The following DPPA4 variants were observed in gnomAD, a reference collection of about 807,000 sequenced individuals.
DPPA4 encodes the protein developmental pluripotency-associated protein 4.
In DPPA4, 22 loss-of-function variants were observed where a neutral mutation model predicts 33.7. The observed-to-expected ratio is 0.65, with a 90% confidence interval of 0.47 to 0.93. The LOEUF (loss-of-function observed/expected upper bound fraction) is 0.93, where lower values mean the gene tolerates loss of function less well. Among genes scored for constraint, DPPA4 ranks in the 40% least tolerant of loss-of-function variants. DPPA4 has a pLI of 0.00. For missense variants in DPPA4, 340 were observed against 358.6 expected, an observed-to-expected ratio of 0.95 and a Z score of 0.42; for synonymous variants, 156 against 132.3, an observed-to-expected ratio of 1.18 and a Z score of -1.23.
In DPPA4 at chr3:109,332,007, T is replaced by C; in HGVS notation, c.203A>G (p.Glu68Gly). ...CTGAGGTCTGGGGTTGTCAGTGTGC[T>C]CTGCCTTTTTCTTAGGGCAGAGCAC... ...SKVLCPKKKA[E>G]HTDNPRPQKK... is the part of the protein sequence containing the mutation. Residue 68 changes from glutamate (E) to glycine (G), a missense_variant, in exon 3 of 7, where the codon GAG (glutamate) becomes GGG (glycine). By Grantham distance (98) the Glu-to-Gly change is moderately conservative. This residue lies in a region of DPPA4 where 96 missense variants were observed against 91.8 expected (regional missense o/e 1.05). Coordinates refer to ENST00000335658, the MANE Select transcript of DPPA4 (RefSeq NM_018189.4). 6.2e-7 allele frequency: 1 copy of C among 1,613,716 alleles called. No individual in the cohort carries two copies. The highest frequency in any genetic ancestry group is 8.5e-7 in the Non-Finnish European group (1 of 1,179,750).
At chr3:109,329,971 G>A (rs975827695) in intron 5 of DPPA4, 1 of 157,600 alleles carries the variant, frequency 6.3e-6, no homozygotes. Flanking sequence ...GTGGTCCCCA[G>A]ACCAGCATCC....
At chr3:109,336,143 C>G (rs1052996091) in intron 1 of DPPA4, among the ~76,000 whole-genome samples, 3 of 150,864 alleles carry the variant, frequency 2.0e-5, no homozygotes, top group Non-Finnish European at 2.9e-5. Flanking sequence ...CAGAGTCAAA[C>G]TCATTAAAAA....
intron 5 of DPPA4, 159 bp from the exon 6 acceptor site, chr3:109,329,247 G>A (rs1708002088): frequency 1.4e-6 from 1 of 692,998 alleles, no homozygotes; most frequent in African/African-American, 1.8e-5. Context: ...CTTTAGAAAA[G>A]CATACAAGCT....
chr3:109,332,298 T>C, intron 2 of DPPA4: 1 of 236,510 alleles, frequency 4.2e-6, no homozygotes. Flanking sequence ...AGATGGGGTT[T>C]CACCATGTTG....
intron 5 of DPPA4, 40 bp from the exon 6 acceptor site, chr3:109,329,128 A>G: frequency 6.3e-7 from 1 of 1,579,092 alleles, no homozygotes; most frequent in Non-Finnish European, 8.7e-7. Flanking sequence ...CCCGCACACC[A>G]GGATGACATA....
Position 109,330,320 on chromosome 3 carries a change from A to AGG in DPPA4, c.679+203_679+204insCC, listed in dbSNP as rs1559707704. The AGG allele has an allele frequency of 2.3e-4, 38 of 167,534 alleles. No homozygotes were observed. The African/African-American group carries it at 2.6e-3, about 11-fold the overall frequency. 10.4% of individuals were successfully genotyped at this position (167,534 alleles called of 1,614,324 possible). On this transcript the variant is annotated intron_variant, in intron 5 of 6. Coordinates refer to ENST00000335658, the MANE Select transcript of DPPA4 (RefSeq NM_018189.4). ...TGTCTCAAAAAAAAAAAAAAAAAAA[A>AGG]AAAAAAAAAAAGGAAAAAAAAAAAA...
At chr3:109,333,710 G>T in intron 2 of DPPA4, 160 bp downstream of exon 2, 1 of 762,956 alleles carries the variant, frequency 1.3e-6, no homozygotes, top group Non-Finnish European at 2.1e-6. Context: ...GTGACCAAAA[G>T]ATGCTTCAGG....
rs1252642107 is a variant in DPPA4 at position 109,327,021 on chromosome 3, T to A, written c.*967A>T. 1 of 152,190 alleles carries A rather than the reference T, an allele frequency of 6.6e-6. No homozygotes were observed. The highest frequency in any genetic ancestry group is 6.6e-5 in the Admixed American group (1 of 15,264). 9.4% of individuals were successfully genotyped at this position (152,190 alleles called of 1,614,324 possible). A position where few individuals can be genotyped will look rare whatever the true frequency, so the allele number is the denominator to read the frequency against. ...CATTTTAAATTCAATATATTATGTA[T>A]TTATGAGCGGGAAGCAACCTTAAAC... On this transcript the variant is annotated 3_prime_UTR_variant, in exon 7 of 7. Coordinates refer to ENST00000335658, the MANE Select transcript of DPPA4 (RefSeq NM_018189.4).
chr3:109,337,244 A>T (rs904346709), intron 1 of DPPA4, among the ~76,000 whole-genome samples: 10 of 150,796 alleles, frequency 6.6e-5, no homozygotes, highest in Non-Finnish European at 1.5e-4. Context: ...AACCTCCTCA[A>T]CTAAACCTAG....
At chr3:109,332,579 A>G (rs1708106585) in intron 2 of DPPA4, among the ~76,000 whole-genome samples, 2 of 152,106 alleles carry the variant, frequency 1.3e-5, no homozygotes, top group South Asian at 4.1e-4. Context: ...CAGGGGAATT[A>G]CCGCTGTCTT....
In DPPA4 at chr3:109,333,958, C is replaced by T; in HGVS notation, c.90G>A (p.Gln30=). The T allele has an allele frequency of 6.2e-7, 1 of 1,614,152 alleles. No homozygotes were observed. The highest frequency in any genetic ancestry group is 1.6e-4 in the Middle Eastern group (1 of 6,062). ...TTGAATTTGGTTGATTAGAAGCCTG[C>T]TGATCCTCTTCCCTCGACTTCTCTG... ...TSTEKSREED[Q]QASNQPNSIA... Residue 30 remains glutamine, a synonymous_variant, in exon 2 of 7, where the codon CAG becomes CAA. Transcript: ENST00000335658.
chr3:109,330,683 C>T lies in DPPA4; in HGVS notation c.520G>A (p.Gly174Arg). 6.2e-7 allele frequency: 1 copy of T among 1,614,132 alleles called. No homozygotes were observed. The highest frequency in any genetic ancestry group is 8.5e-7 in the Non-Finnish European group (1 of 1,180,004). The change falls in exon 5 of 7, where the codon GGG (glycine) becomes AGG (arginine). Residue 174 changes from glycine to arginine, a missense_variant. This residue lies in a region of DPPA4 where 212 missense variants were observed against 206.5 expected (regional missense o/e 1.03). Coordinates refer to ENST00000335658, the MANE Select transcript of DPPA4 (RefSeq NM_018189.4). ...GAATTTTCCAGGGCAGGCGGCTCCC[C>T]CACAGGAGGAAGAGCCACTTCAGGA... ...HPPEVALPPV[G>R]EPPALENSTA...
chr3:109,331,892 C>T lies in DPPA4; in HGVS notation c.318G>A (p.Leu106=), dbSNP rs1364002610. 6.2e-7 allele frequency: 1 copy of T among 1,614,110 alleles called. No individual in the cohort carries two copies. The highest frequency in any genetic ancestry group is 1.7e-5 in the Admixed American group (1 of 60,006). Residue 106 remains leucine, a synonymous_variant, in exon 3 of 7, where the codon TTG becomes TTA. Coordinates refer to ENST00000335658, the MANE Select transcript of DPPA4 (RefSeq NM_018189.4). The part of the protein sequence containing the change: ...RDILRAWCQQ[L]KLSSKGQKLD... ...TCACCTGGCCTTTGGAGCTCAGCTT[C>T]AATTGTTGGCACCAGGCCCGCAGAA...
At chr3:109,333,783 T>G in intron 2 of DPPA4, 87 bp downstream of exon 2, 2 of 1,497,512 alleles carry the variant, frequency 1.3e-6, no homozygotes, top group Non-Finnish European at 1.8e-6. Flanking sequence ...TGATGGAAAT[T>G]TCTTCCCTGG....
At chr3:109,337,142 C>T (rs1576841350) in intron 1 of DPPA4, among the ~76,000 whole-genome samples, 2 of 151,670 alleles carry the variant, frequency 1.3e-5, no homozygotes, top group African/African-American at 4.8e-5. Context: ...TCAGGTGATC[C>T]GCCCGCCTCG....
intron 4 of DPPA4, among the ~76,000 whole-genome samples, chr3:109,331,363 C>G (rs1210661994): frequency 7.0e-6 from 1 of 142,380 alleles, no homozygotes; most frequent in East Asian, 2.1e-4. Flanking sequence ...GTGGTTCACG[C>G]CTGTAATCCC....
chr3:109,336,428 C>T (rs1263427040), intron 1 of DPPA4: 1 of 152,182 alleles, frequency 6.6e-6, no homozygotes, highest in Non-Finnish European at 1.5e-5. Flanking sequence ...TGTGCAACGT[C>T]TTAAATCCTC....
In DPPA4 at chr3:109,326,347, A is replaced by G. The variant is rs139819018; in HGVS notation, c.*1641T>C. The G allele has an allele frequency of 1.7e-4, 26 of 151,982 alleles. No homozygotes were observed. In the East Asian group the frequency reaches 4.8e-3, roughly 28 times the overall value. The allele number at this position is 151,982 out of a possible 1,614,324, so 9.4% of individuals were successfully genotyped here. A position where few individuals can be genotyped will look rare whatever the true frequency, so the allele number is the denominator to read the frequency against. The stretch of plus-strand genomic sequence containing the variant: ...AAAAAGGAAACAAAAGGAACAATAC[A>G]CATAGTATAAGAAAAAATGTCTATT... On this transcript the variant is annotated 3_prime_UTR_variant, in exon 7 of 7. Coordinates refer to ENST00000335658, the MANE Select transcript of DPPA4 (RefSeq NM_018189.4).
rs187422731 is a variant in DPPA4, at chr3:109,329,051, A to G, written c.717T>C (p.Pro239=). The change falls in exon 6 of 7, where the codon CCT becomes CCC. Residue 239 remains proline, a synonymous_variant. Coordinates refer to ENST00000335658, the MANE Select transcript of DPPA4 (RefSeq NM_018189.4). ...GGTGAACCCAACCATCTGTGTCTGC[A>G]GGGAGACTTTTCCCATGGACCACAC... ...RWCVVHGKSL[P]ADTDGWVHLQ... is the part of the protein sequence containing the mutation. 247 of 1,614,064 alleles carry G rather than the reference A, an allele frequency of 1.5e-4. No individual in the cohort carries two copies. In the East Asian group the frequency reaches 4.5e-3, roughly 30 times the overall value.
Sources: gnomAD v4.1 joint callset for allele counts (sites outside exome capture counted in the v4.1 genomes callset) on GRCh38, gnomAD v4.1.1 for gene constraint, gnomAD v4.1.1 regional missense constraint, MANE v1.5 for transcripts, NCBI Gene and HGNC (gene_info 2026-07-23, HGNC 2026-07-21) for gene names.